PRKCE: variants seen among roughly 807,000 people sequenced by gnomAD.
PRKCE encodes the protein protein kinase C epsilon, also known as protein kinase C epsilon type.
PRKCE carries 16 observed loss-of-function variants against 85.4 expected under a neutral mutation model. The observed-to-expected ratio is 0.19, with a 90% CI of 0.13 to 0.28. PRKCE has a LOEUF of 0.28. PRKCE is among the 10% of genes least tolerant of loss of function. The pLI, the probability that PRKCE is intolerant of heterozygous loss-of-function variation, is 1.00. For synonymous variants in PRKCE, 388 were observed against 371.5 expected (o/e 1.04, Z -0.51); for missense variants, 573 against 975.2 (o/e 0.59, Z 5.49).
chr2:45,660,986 CAG>C (rs1378663097), intron 1 of PRKCE, among the ~76,000 whole-genome samples: 2 of 152,130 alleles, frequency 1.3e-5, no homozygotes, highest in Non-Finnish European at 2.9e-5. Context: ...GGAGGAAAAA[CAG>C]AAGCCTATCA....
chr2:46,027,899 C>T (rs952496055), intron 10 of PRKCE, among the ~76,000 whole-genome samples: 1 of 152,130 alleles, frequency 6.6e-6, no homozygotes, highest in Non-Finnish European at 1.5e-5. Context: ...GCCCACCTTC[C>T]ACCTACCCTG....
At chr2:45,829,977 G>A (rs1169029994) in intron 1 of PRKCE, among the ~76,000 whole-genome samples, 1 of 150,814 alleles carries the variant, frequency 6.6e-6, no homozygotes, top group Non-Finnish European at 1.5e-5. Context: ...GGAGGCTGAG[G>A]CAGGAGAATG....
chr2:46,071,551 C>T (rs532056661), intron 10 of PRKCE, among the ~76,000 whole-genome samples: 1 of 152,250 alleles, frequency 6.6e-6, no homozygotes, highest in East Asian at 1.9e-4. Context: ...GATTCCAAGG[C>T]CAAGTTTGGA....
chr2:46,172,329 C>T (rs1678991584), intron 14 of PRKCE, among the ~76,000 whole-genome samples: 1 of 152,234 alleles, frequency 6.6e-6, no homozygotes, highest in African/African-American at 2.4e-5. Flanking sequence ...TGGATGTCAT[C>T]TGGGGCCAGT....
intron 1 of PRKCE, among the ~76,000 whole-genome samples, chr2:45,800,778 T>C (rs1381989916): frequency 2.0e-5 from 3 of 152,180 alleles, no homozygotes; most frequent in Non-Finnish European, 4.4e-5. Flanking sequence ...AGAGCTGGCT[T>C]CCTTCGGCCC....
intron 1 of PRKCE, among the ~76,000 whole-genome samples, chr2:45,713,155 G>T (rs777812807): frequency 6.6e-6 from 1 of 152,026 alleles, no homozygotes; most frequent in Non-Finnish European, 1.5e-5. Context: ...CTGTCACCTC[G>T]AGGCTCTTAT....
intron 10 of PRKCE, among the ~76,000 whole-genome samples, chr2:46,077,351 T>C (rs1668653560): frequency 6.6e-6 from 1 of 152,172 alleles, no homozygotes; most frequent in Non-Finnish European, 1.5e-5. Context: ...TACAGCTTTC[T>C]GTATGTCAAC....
intron 6 of PRKCE, among the ~76,000 whole-genome samples, chr2:45,987,713 A>C (rs755760299): frequency 2.0e-5 from 3 of 152,190 alleles, no homozygotes; most frequent in Non-Finnish European, 4.4e-5. Context: ...GGTGTTGAGC[A>C]TTCTGTGGAT....
chr2:45,910,940 G>A (rs1455431795), intron 2 of PRKCE, among the ~76,000 whole-genome samples: 3 of 152,206 alleles, frequency 2.0e-5, no homozygotes, highest in African/African-American at 7.2e-5. Context: ...AGTGTCTTGG[G>A]TGTGTAGGAG....
chr2:45,992,258 C>T (rs531182667), intron 6 of PRKCE, among the ~76,000 whole-genome samples: 1 of 152,280 alleles, frequency 6.6e-6, no homozygotes, highest in Admixed American at 6.5e-5. Context: ...GTCCCCTGTA[C>T]ACGTGGCAGA....
At chr2:45,976,736 C>G (rs1028230260) in intron 3 of PRKCE, 148 bp downstream of exon 3, 3 of 1,009,054 alleles carry the variant, frequency 3.0e-6, no homozygotes, top group Non-Finnish European at 1.4e-6. Context: ...TTATGGAAGG[C>G]TAAGTGTGTG....
At chr2:45,943,329 C>T (rs752272944) in intron 2 of PRKCE, among the ~76,000 whole-genome samples, 2 of 152,216 alleles carry the variant, frequency 1.3e-5, no homozygotes, top group African/African-American at 4.8e-5. Flanking sequence ...AGAACCATAG[C>T]GTCTAAGCCA....
intron 1 of PRKCE, among the ~76,000 whole-genome samples, chr2:45,705,936 G>A (rs891196722): frequency 1.9e-4 from 29 of 152,312 alleles, no homozygotes; most frequent in African/African-American, 7.0e-4. Flanking sequence ...GGGGCCTTTT[G>A]TCAGTTGCTT....
chr2:45,696,553 A>G (rs1187116806), intron 1 of PRKCE, among the ~76,000 whole-genome samples: 1 of 152,054 alleles, frequency 6.6e-6, no homozygotes, highest in Non-Finnish European at 1.5e-5. Flanking sequence ...GCCTCCCCAC[A>G]GGGCTGTGTG....
intron 10 of PRKCE, among the ~76,000 whole-genome samples, chr2:46,053,205 C>G (rs889173177): frequency 1.3e-5 from 2 of 152,306 alleles, no homozygotes; most frequent in East Asian, 3.9e-4. Context: ...TTGGATTCCA[C>G]TAGACATTTG....
chr2:46,105,643 A>AATACTC (rs1388613399), intron 11 of PRKCE, among the ~76,000 whole-genome samples: 13 of 152,150 alleles, frequency 8.5e-5, no homozygotes, highest in Admixed American at 8.5e-4. Context: ...CACAATGAAA[A>AATACTC]ATACTCAAGA....
intron 10 of PRKCE, among the ~76,000 whole-genome samples, chr2:46,012,659 T>C (rs1249693889): frequency 2.0e-5 from 3 of 152,154 alleles, no homozygotes; most frequent in African/African-American, 7.2e-5. Context: ...TCCAGTTTAG[T>C]TGTGAGGGCT....
At chr2:46,056,257 C>G (rs201781474) in intron 10 of PRKCE, among the ~76,000 whole-genome samples, 2 of 146,142 alleles carry the variant, frequency 1.4e-5, no homozygotes, top group Admixed American at 1.3e-4. Flanking sequence ...TTTTTTTTTC[C>G]ATTTCATCCT....
At chr2:46,130,077 A>C (rs1242863011) in intron 11 of PRKCE, among the ~76,000 whole-genome samples, 1 of 152,176 alleles carries the variant, frequency 6.6e-6, no homozygotes, top group Admixed American at 6.5e-5. Flanking sequence ...ACCTGATAAG[A>C]TGACAGATTT....
Sources: gnomAD v4.1 joint callset for allele counts (sites outside exome capture counted in the v4.1 genomes callset) on GRCh38, gnomAD v4.1.1 for gene constraint, MANE v1.5 for transcripts, NCBI Gene and HGNC (gene_info 2026-07-23, HGNC 2026-07-21) for gene names.